The following OR14A2 variants were observed in gnomAD, a reference collection of about 807,000 sequenced individuals.
OR14A2 encodes the protein olfactory receptor family 14 subfamily A member 2.
For synonymous variants in OR14A2, 114 were observed against 58.6 expected (o/e 1.95, Z -4.32); for missense variants, 237 against 152.9 (o/e 1.55, Z -2.90).
the OR14A2 span, among the ~76,000 whole-genome samples, chr1:247,747,314 TC>T: frequency 6.6e-6 from 1 of 150,830 alleles, no homozygotes; most frequent in Non-Finnish European, 1.5e-5. Flanking sequence ...AGACATTCTT[TC>T]CCCCCGTATA....
upstream of OR14A2, among the ~76,000 whole-genome samples, chr1:247,724,810 A>G (rs1258859346): frequency 6.6e-6 from 1 of 152,152 alleles, no homozygotes; most frequent in Non-Finnish European, 1.5e-5. Flanking sequence ...CCATGATAAA[A>G]TGGCTTTCCC....
the OR14A2 span, among the ~76,000 whole-genome samples, chr1:247,733,849 AT>A: frequency 1.3e-5 from 2 of 152,208 alleles, no homozygotes; most frequent in Admixed American, 6.5e-5. Context: ...AAGAAAATTC[AT>A]TAAAAATGAA....
upstream of OR14A2, among the ~76,000 whole-genome samples, chr1:247,724,298 A>T (rs1375664536): frequency 6.6e-6 from 1 of 152,070 alleles, no homozygotes. Flanking sequence ...CTAATCCTAT[A>T]GCCTCAAACT....
chr1:247,747,447 T>C, the OR14A2 span, among the ~76,000 whole-genome samples: 9 of 151,372 alleles, frequency 5.9e-5, no homozygotes, highest in African/African-American at 1.9e-4. Flanking sequence ...CTGCAAGCTC[T>C]GCCTCCCAGG....
the OR14A2 span, among the ~76,000 whole-genome samples, chr1:247,731,174 T>A: frequency 4.6e-5 from 7 of 152,084 alleles, no homozygotes; most frequent in East Asian, 1.9e-4. Flanking sequence ...TAGGCTTTTT[T>A]AATCTAGTGC....
At chr1:247,734,566 AG>A in the OR14A2 span, among the ~76,000 whole-genome samples, 1 of 152,214 alleles carries the variant, frequency 6.6e-6, no homozygotes, top group African/African-American at 2.4e-5. Flanking sequence ...TTAAAAATGG[AG>A]GGATATACCA....
At chr1:247,723,234 C>T in exon 1 of OR14A2, 1 of 713,906 alleles carries the variant, frequency 1.4e-6, no homozygotes, top group South Asian at 1.5e-5. Context: ...CAGAAAGCAG[C>T]CTGTCAATAA....
downstream of OR14A2, chr1:247,723,049 A>C (rs1427213097): frequency 6.4e-6 from 4 of 626,602 alleles, no homozygotes; most frequent in South Asian, 7.9e-5. Context: ...AAATAAGGAA[A>C]GTTTCTTGTG....
the OR14A2 span, among the ~76,000 whole-genome samples, chr1:247,747,498 A>G: frequency 1.3e-5 from 2 of 151,892 alleles, no homozygotes; most frequent in Non-Finnish European, 2.9e-5. Flanking sequence ...AGTAGCTGGA[A>G]CTACAGGCGC....
At chr1:247,740,386 A>C in the OR14A2 span, among the ~76,000 whole-genome samples, 2 of 152,174 alleles carry the variant, frequency 1.3e-5, no homozygotes, top group South Asian at 2.1e-4. Flanking sequence ...AAATGTACTC[A>C]ATTTTATTGC....
the OR14A2 span, chr1:247,738,752 C>T: frequency 2.0e-5 from 16 of 780,734 alleles, no homozygotes; most frequent in Admixed American, 1.5e-4. Context: ...TCATTCTCCT[C>T]ATGATTCTGG....
the OR14A2 span, chr1:247,738,493 T>G: frequency 1.6e-6 from 1 of 610,772 alleles, no homozygotes; most frequent in Non-Finnish European, 2.9e-6. Flanking sequence ...TTTTAAACTT[T>G]TTGTCTAGGC....
the OR14A2 span, among the ~76,000 whole-genome samples, chr1:247,743,310 A>G: frequency 1.3e-5 from 2 of 151,806 alleles, no homozygotes; most frequent in East Asian, 1.9e-4. Flanking sequence ...CCTCCCACCT[A>G]TGATGCCCCT....
chr1:247,736,954 A>G, the OR14A2 span, among the ~76,000 whole-genome samples: 1 of 152,086 alleles, frequency 6.6e-6, no homozygotes, highest in African/African-American at 2.4e-5. Flanking sequence ...TCAACTTAAA[A>G]CATTATTTTA....
At chr1:247,745,836 T>G in the OR14A2 span, among the ~76,000 whole-genome samples, 1 of 152,202 alleles carries the variant, frequency 6.6e-6, no homozygotes, top group Non-Finnish European at 1.5e-5. Flanking sequence ...TAAGGAAGGA[T>G]GGACCTAGAT....
the OR14A2 span, chr1:247,739,244 T>G: frequency 3.8e-6 from 3 of 780,880 alleles, no homozygotes; most frequent in Non-Finnish European, 7.2e-6. Flanking sequence ...CATGTTTAGT[T>G]TGCATTGTAG....
chr1:247,745,650 A>G, the OR14A2 span, among the ~76,000 whole-genome samples: 1 of 152,138 alleles, frequency 6.6e-6, no homozygotes, highest in Admixed American at 6.5e-5. Context: ...ATTTTCTAAT[A>G]TATAGAAAAC....
upstream of OR14A2, among the ~76,000 whole-genome samples, chr1:247,728,285 A>G (rs1660434455): frequency 6.6e-6 from 1 of 152,184 alleles, no homozygotes; most frequent in African/African-American, 2.4e-5. Context: ...AAATCAATAA[A>G]TGTAATCCAG....
chr1:247,735,194 A>T, the OR14A2 span, among the ~76,000 whole-genome samples: 3 of 152,196 alleles, frequency 2.0e-5, no homozygotes, highest in Non-Finnish European at 4.4e-5. Context: ...GGAGGCTTAA[A>T]TCCAGAGTGA....
Sources: allele counts gnomAD v4.1 joint callset (sites outside exome capture counted in the v4.1 genomes callset), GRCh38; gene constraint gnomAD v4.1.1; transcripts MANE v1.5; gene names NCBI Gene and HGNC (gene_info 2026-07-23, HGNC 2026-07-21).